The following C8orf34 variants were observed in gnomAD, a reference collection of about 807,000 sequenced individuals.
C8orf34 encodes the protein chromosome 8 open reading frame 34.
A neutral mutation model predicts 68.3 loss-of-function variants in C8orf34; 65 were observed. The ratio of observed to expected loss-of-function variants is 0.95; its 90% confidence interval spans 0.78 to 1.17. The LOEUF (loss-of-function observed/expected upper bound fraction) is 1.17, where lower values mean the gene tolerates loss of function less well. Among genes scored for constraint, C8orf34 ranks in the 50% most tolerant of loss-of-function variants. The pLI, the probability that C8orf34 is intolerant of heterozygous loss-of-function variation, is 0.00. For synonymous variants in C8orf34, 244 were observed against 241.2 expected, an observed-to-expected ratio of 1.01 and a Z score of -0.11; for missense variants, 664 against 655.4, an observed-to-expected ratio of 1.01 and a Z score of -0.14.
intron 10 of C8orf34, among the ~76,000 whole-genome samples, chr8:68,767,135 A>G (rs560834099): frequency 6.6e-6 from 1 of 152,186 alleles, no homozygotes; most frequent in Non-Finnish European, 1.5e-5. Context: ...CGGAGGTTGC[A>G]GTGAGATGAG....
chr8:68,603,160 CAAG>C (rs1817748401), intron 7 of C8orf34, among the ~76,000 whole-genome samples: 2 of 144,438 alleles, frequency 1.4e-5, no homozygotes. Context: ...GTTGTTGTTG[CAAG>C]AAGAAGCACC....
intron 7 of C8orf34, among the ~76,000 whole-genome samples, chr8:68,562,059 A>G (rs1816447559): frequency 6.6e-6 from 1 of 152,160 alleles, no homozygotes; most frequent in African/African-American, 2.4e-5. Context: ...ACCCAGTAAT[A>G]TTTATTCTTA....
intron 1 of C8orf34, among the ~76,000 whole-genome samples, chr8:68,436,511 C>T (rs530191110): frequency 1.0e-3 from 157 of 152,180 alleles, no homozygotes; most frequent in African/African-American, 3.4e-3. Flanking sequence ...GGCAGGAGTG[C>T]TCTTATCACT....
intron 7 of C8orf34, among the ~76,000 whole-genome samples, chr8:68,567,633 C>T (rs1349781357): frequency 9.5e-6 from 1 of 105,164 alleles, no homozygotes; most frequent in African/African-American, 3.6e-5. Flanking sequence ...CTTGCTCTGT[C>T]GCCCAGGCTG....
At chr8:68,419,476 G>C (rs1415416998) in intron 1 of C8orf34, among the ~76,000 whole-genome samples, 2 of 151,522 alleles carry the variant, frequency 1.3e-5, no homozygotes. Flanking sequence ...TCCCATTACT[G>C]GGTATATACC....
At chr8:68,633,413 CATA>C (rs1348122090) in intron 7 of C8orf34, among the ~76,000 whole-genome samples, 1 of 152,170 alleles carries the variant, frequency 6.6e-6, no homozygotes, top group Non-Finnish European at 1.5e-5. Context: ...GGGTTGATCA[CATA>C]ATATTTTGTT....
intron 8 of C8orf34, among the ~76,000 whole-genome samples, chr8:68,652,450 T>C (rs1476586394): frequency 6.6e-6 from 1 of 152,230 alleles, no homozygotes; most frequent in African/African-American, 2.4e-5. Context: ...TGCTATCACT[T>C]AGGCATGTGG....
At chr8:68,549,715 ATAG>A (rs772827489) in intron 7 of C8orf34, among the ~76,000 whole-genome samples, 3 of 151,766 alleles carry the variant, frequency 2.0e-5, no homozygotes, top group Non-Finnish European at 4.4e-5. Context: ...TCTAATTATA[ATAG>A]TAGATTTATC....
intron 3 of C8orf34, among the ~76,000 whole-genome samples, chr8:68,458,324 T>C (rs191571507): frequency 8.4e-4 from 128 of 152,300 alleles, no homozygotes; most frequent in African/African-American, 2.9e-3. Flanking sequence ...CCAGTTCTCC[T>C]GCTGGCCTCA....
At chr8:68,571,245 C>A (rs947443070) in intron 7 of C8orf34, among the ~76,000 whole-genome samples, 7 of 152,182 alleles carry the variant, frequency 4.6e-5, no homozygotes, top group Non-Finnish European at 1.0e-4. Flanking sequence ...CATTTAGTTA[C>A]AGTGTCAAAT....
chr8:68,524,041 T>A (rs987398498), intron 6 of C8orf34, among the ~76,000 whole-genome samples: 1 of 152,224 alleles, frequency 6.6e-6, no homozygotes, highest in Non-Finnish European at 1.5e-5. Flanking sequence ...AGCTTATTGA[T>A]GAGAAGAACC....
intron 5 of C8orf34, among the ~76,000 whole-genome samples, chr8:68,508,513 A>G (rs750377700): frequency 2.6e-5 from 4 of 152,168 alleles, no homozygotes; most frequent in Admixed American, 6.5e-5. Flanking sequence ...TCCAAAACTC[A>G]GTGGCTGAAT....
At chr8:68,747,939 G>A (rs967590698) in intron 10 of C8orf34, among the ~76,000 whole-genome samples, 14 of 152,002 alleles carry the variant, frequency 9.2e-5, no homozygotes, top group Admixed American at 9.2e-4. Context: ...TCAATCCTAA[G>A]CCAAAAGAAC....
chr8:68,659,110 G>A (rs1453564236), intron 8 of C8orf34, among the ~76,000 whole-genome samples: 1 of 151,920 alleles, frequency 6.6e-6, no homozygotes, highest in Admixed American at 6.6e-5. Context: ...ATTTCACCCA[G>A]GACACTCTGG....
At chr8:68,461,836 C>G (rs1488431333) in intron 3 of C8orf34, among the ~76,000 whole-genome samples, 1 of 152,190 alleles carries the variant, frequency 6.6e-6, no homozygotes, top group Non-Finnish European at 1.5e-5. Context: ...ACTGCAAAAT[C>G]ATGCCAAATT....
Position 68,640,375 on chromosome 8 carries a change from G to T in C8orf34, c.1106-1G>T. On this transcript the variant is annotated splice_acceptor_variant, in intron 7 of 13. Coordinates refer to ENST00000518698, the MANE Select transcript of C8orf34 (RefSeq NM_052958.4). LOFTEE classifies it high-confidence loss of function. The stretch of plus-strand genomic sequence containing the variant: ...CTCTGTAATTGTTTGTGTTGTTACA[G>T]AGGATCTTAATGATTTAAGAATGGA... 6.2e-7 allele frequency: 1 copy of T among 1,612,326 alleles called. No individual in the cohort carries two copies. Among genetic ancestry groups the T allele is most frequent in the Admixed American group, 1.7e-5 (1 of 59,736 alleles).
At chr8:68,517,131 C>T (rs537104131) in intron 5 of C8orf34, among the ~76,000 whole-genome samples, 3 of 151,934 alleles carry the variant, frequency 2.0e-5, no homozygotes, top group East Asian at 1.9e-4. Flanking sequence ...ATTTTTAATT[C>T]GTTTACATTT....
intron 10 of C8orf34, among the ~76,000 whole-genome samples, chr8:68,749,330 A>G (rs1022772742): frequency 2.0e-5 from 3 of 152,176 alleles, no homozygotes; most frequent in Non-Finnish European, 2.9e-5. Flanking sequence ...TGGCACATGT[A>G]TACATATGTA....
At chr8:68,816,345 C>A (rs1824818966) in intron 13 of C8orf34, among the ~76,000 whole-genome samples, 1 of 152,044 alleles carries the variant, frequency 6.6e-6, no homozygotes, top group African/African-American at 2.4e-5. Context: ...ATATCCCCTG[C>A]AGTTATAGGA....
Sources: allele counts gnomAD v4.1 joint callset (sites outside exome capture counted in the v4.1 genomes callset), GRCh38; gene constraint gnomAD v4.1.1; transcripts MANE v1.5; gene names NCBI Gene and HGNC (gene_info 2026-07-23, HGNC 2026-07-21).